Variants in LRBA observed in about 807,000 individuals in gnomAD.
LRBA encodes LPS responsive beige-like anchor protein, also known as lipopolysaccharide-responsive and beige-like anchor protein.
LRBA carries 176 observed loss-of-function variants against 330.0 expected under a neutral mutation model. The ratio of observed to expected loss-of-function variants is 0.53; its 90% CI spans 0.47 to 0.60. The LOEUF is 0.60. LRBA is among the 20% of genes least tolerant of loss of function. The pLI is 0.00. For synonymous variants in LRBA, 1,230 were observed against 1,193.0 expected, an observed-to-expected ratio of 1.03 and a Z score of -0.64; for missense variants, 3,259 against 3,444.8, an observed-to-expected ratio of 0.95 and a Z score of 1.35.
At chr4:150,472,042 TATAAA>T (rs1020599810) in intron 42 of LRBA, among the ~76,000 whole-genome samples, 22 of 152,076 alleles carry the variant, frequency 1.4e-4, no homozygotes, top group Non-Finnish European at 3.1e-4. Context: ...GCTTTAATGA[TATAAA>T]AAGAAGAAAT....
At chr4:150,865,706 G>A (rs1054490246) in intron 22 of LRBA, among the ~76,000 whole-genome samples, 8 of 151,150 alleles carry the variant, frequency 5.3e-5, no homozygotes, top group African/African-American at 2.0e-4. Context: ...ATTAGGAAAG[G>A]GCAATATATT....
At chr4:150,897,880 T>C (rs932259541) in intron 14 of LRBA, 62 bp from the exon 15 acceptor site, 1 of 1,112,084 alleles carries the variant, frequency 9.0e-7, no homozygotes, top group Non-Finnish European at 1.4e-6. Context: ...TGTCAAAGTA[T>C]AAAATTCTCA....
chr4:150,860,809 C>T (rs970793407), intron 22 of LRBA, among the ~76,000 whole-genome samples: 6 of 151,668 alleles, frequency 4.0e-5, no homozygotes, highest in African/African-American at 1.5e-4. Flanking sequence ...GAGCGAGACT[C>T]CGTCTCAAAA....
At chr4:150,522,714 G>A (rs994387297) in intron 40 of LRBA, among the ~76,000 whole-genome samples, 1 of 152,222 alleles carries the variant, frequency 6.6e-6, no homozygotes, top group Non-Finnish European at 1.5e-5. Context: ...CCACCTCTCT[G>A]GAGGACATAA....
At chr4:150,586,592 T>C (rs940234481) in intron 40 of LRBA, among the ~76,000 whole-genome samples, 5 of 152,132 alleles carry the variant, frequency 3.3e-5, no homozygotes, top group African/African-American at 7.2e-5. Context: ...CATTTCTTCA[T>C]TGAGCCAAAA....
chr4:150,374,426 A>G (rs1216796381), intron 47 of LRBA, among the ~76,000 whole-genome samples: 1 of 152,194 alleles, frequency 6.6e-6, no homozygotes, highest in African/African-American at 2.4e-5. Flanking sequence ...GCTATGAAGT[A>G]GACCCACCTT....
chr4:150,947,565 A>T (rs1175366085), intron 2 of LRBA, among the ~76,000 whole-genome samples: 2 of 152,068 alleles, frequency 1.3e-5, no homozygotes, highest in African/African-American at 4.8e-5. Context: ...AAAACCTACG[A>T]CTAACATTAT....
intron 38 of LRBA, among the ~76,000 whole-genome samples, chr4:150,593,323 G>A (rs1169540583): frequency 6.6e-6 from 1 of 152,154 alleles, no homozygotes; most frequent in Non-Finnish European, 1.5e-5. Flanking sequence ...AAGTCAGGGA[G>A]TAGTGTTAAA....
intron 40 of LRBA, among the ~76,000 whole-genome samples, chr4:150,557,900 T>C (rs535685920): frequency 6.6e-6 from 1 of 152,250 alleles, no homozygotes; most frequent in African/African-American, 2.4e-5. Flanking sequence ...CTGTACCCTT[T>C]GTTTTTTTGT....
intron 47 of LRBA, among the ~76,000 whole-genome samples, chr4:150,403,329 T>C (rs551156742): frequency 2.0e-5 from 3 of 152,342 alleles, no homozygotes; most frequent in South Asian, 2.1e-4. Flanking sequence ...CAATTTCTTC[T>C]TGTGAATTTC....
intron 31 of LRBA, among the ~76,000 whole-genome samples, chr4:150,816,114 C>G (rs1335371157): frequency 6.6e-6 from 1 of 151,882 alleles, no homozygotes; most frequent in East Asian, 1.9e-4. Flanking sequence ...GAACAAAACT[C>G]TCCAAGATAT....
chr4:150,443,847 T>TAAAAAAAAAAAAA (rs376721928), intron 44 of LRBA, among the ~76,000 whole-genome samples: 1,094 of 53,622 alleles, frequency 0.02, 40 homozygotes, highest in East Asian at 0.08. Context: ...AAAGTATAAT[T>TAAAAAAAAAAAAA]AAAAAAATAT....
In LRBA at chr4:150,654,172, G is replaced by A. The variant is rs1050231555; in HGVS notation, c.5921+29379C>T. 4.6e-5 allele frequency among the ~76,000 whole-genome samples: 7 copies of A among 152,120 alleles called. No homozygotes were observed. The East Asian group carries it at 1.2e-3, about 25-fold the overall frequency. ...TAAAATCTAGAAAACAAGGTTTATTGAGAAAAGTCTGTTGTCATTGTTTTT... is the reference window on the plus strand; with the variant it reads ...TAAAATCTAGAAAACAAGGTTTATTAAGAAAAGTCTGTTGTCATTGTTTTT... On this transcript the variant is annotated intron_variant, in intron 37 of 56. Transcript: ENST00000651943.
At chr4:150,728,828 T>C (rs758395834) in intron 36 of LRBA, among the ~76,000 whole-genome samples, 3 of 152,116 alleles carry the variant, frequency 2.0e-5, no homozygotes, top group East Asian at 1.9e-4. Context: ...TTATTCAACA[T>C]AGAACTGGAA....
At chr4:150,622,302 G>A (rs557656694) in intron 37 of LRBA, among the ~76,000 whole-genome samples, 2 of 152,314 alleles carry the variant, frequency 1.3e-5, no homozygotes, top group South Asian at 4.1e-4. Context: ...ACTTTGGGAG[G>A]CTGAGGCAGA....
intron 40 of LRBA, among the ~76,000 whole-genome samples, chr4:150,540,529 A>ACAAAAT (rs1327632627): frequency 1.3e-5 from 2 of 152,338 alleles, no homozygotes; most frequent in East Asian, 3.9e-4. Context: ...TGAAGATTTT[A>ACAAAAT]AGGCATGCTA....
intron 31 of LRBA, among the ~76,000 whole-genome samples, chr4:150,809,786 T>C (rs1005454922): frequency 5.3e-5 from 8 of 152,042 alleles, no homozygotes; most frequent in African/African-American, 1.9e-4. Context: ...GGGCAGAGGT[T>C]GCAGTGTGCC....
chr4:150,550,813 G>A (rs978146995), intron 40 of LRBA, among the ~76,000 whole-genome samples: 4 of 152,062 alleles, frequency 2.6e-5, no homozygotes, highest in Non-Finnish European at 4.4e-5. Flanking sequence ...AACATTTCAC[G>A]GAAAATAGTT....
At chr4:150,712,973 G>A (rs1274508279) in intron 36 of LRBA, among the ~76,000 whole-genome samples, 1 of 152,060 alleles carries the variant, frequency 6.6e-6, no homozygotes, top group Non-Finnish European at 1.5e-5. Context: ...GCTTTGCTCT[G>A]TCACCTGGGC....
Sources: allele counts gnomAD v4.1 joint callset (sites outside exome capture counted in the v4.1 genomes callset), GRCh38; gene constraint gnomAD v4.1.1; transcripts MANE v1.5; gene names NCBI Gene and HGNC (gene_info 2026-07-23, HGNC 2026-07-21).